GRIK1: variants seen among roughly 807,000 people sequenced by gnomAD.
GRIK1 encodes glutamate receptor ionotropic, kainate 1.
In GRIK1, 69 loss-of-function variants were observed where a neutral mutation model predicts 105.7. The ratio of observed to expected loss-of-function variants is 0.65; its 90% CI spans 0.54 to 0.80. The LOEUF (loss-of-function observed/expected upper bound fraction) is 0.80, where lower values mean the gene tolerates loss of function less well. Ranked by LOEUF, GRIK1 falls within the 30% of genes least tolerant of loss-of-function variation. The pLI is 0.00. For missense variants in GRIK1, 1,109 were observed against 1,167.3 expected, an observed-to-expected ratio of 0.95 and a Z score of 0.73; for synonymous variants, 438 against 431.3, an observed-to-expected ratio of 1.02 and a Z score of -0.19.
At chr21:29,920,445 C>A (rs1296282141) in intron 1 of GRIK1, among the ~76,000 whole-genome samples, 1 of 152,084 alleles carries the variant, frequency 6.6e-6, no homozygotes, top group Non-Finnish European at 1.5e-5. Flanking sequence ...GGAATGACTT[C>A]TTTTACAGAT....
chr21:29,653,205 TAGAA>T (rs1460585771), intron 5 of GRIK1, among the ~76,000 whole-genome samples: 1 of 152,134 alleles, frequency 6.6e-6, no homozygotes, highest in Non-Finnish European at 1.5e-5. Flanking sequence ...ACTCAGTGAA[TAGAA>T]AGACAGTTAA....
At chr21:29,861,330 A>T (rs2068629718) in intron 1 of GRIK1, among the ~76,000 whole-genome samples, 1 of 151,614 alleles carries the variant, frequency 6.6e-6, no homozygotes. Context: ...TTTTGGAGAC[A>T]GGGTCTCACT....
At chr21:29,869,540 G>C (rs2068939685) in intron 1 of GRIK1, among the ~76,000 whole-genome samples, 1 of 152,216 alleles carries the variant, frequency 6.6e-6, no homozygotes, top group African/African-American at 2.4e-5. Flanking sequence ...CTACCGGCAT[G>C]ATATTTAAGC....
chr21:29,605,290 C>T (rs528742973), intron 7 of GRIK1, among the ~76,000 whole-genome samples: 14 of 152,298 alleles, frequency 9.2e-5, no homozygotes, highest in Admixed American at 5.2e-4. Flanking sequence ...TCATTCAACT[C>T]CCACTTATAA....
chr21:29,596,496 G>A, intron 9 of GRIK1, 30 bp downstream of exon 9: 1 of 1,515,938 alleles, frequency 6.6e-7, no homozygotes, highest in South Asian at 1.1e-5. Flanking sequence ...CCACCCCCAG[G>A]TTTCCTGCAG....
At chr21:29,723,942 G>A (rs1311932724) in intron 1 of GRIK1, among the ~76,000 whole-genome samples, 1 of 152,162 alleles carries the variant, frequency 6.6e-6, no homozygotes, top group East Asian at 1.9e-4. Flanking sequence ...GGAAATCACA[G>A]CTGTTCCATA....
chr21:29,909,233 C>T (rs1368863696), intron 1 of GRIK1, among the ~76,000 whole-genome samples: 2 of 151,740 alleles, frequency 1.3e-5, no homozygotes, highest in East Asian at 3.9e-4. Flanking sequence ...TTTAAGGGCC[C>T]TAAAGATAAA....
intron 1 of GRIK1, chr21:29,763,457 A>G (rs1174746271): frequency 1.3e-5 from 2 of 152,288 alleles, no homozygotes; most frequent in East Asian, 3.8e-4. Flanking sequence ...CCTTCAGTGT[A>G]TTGCAGCTCT....
intron 1 of GRIK1, among the ~76,000 whole-genome samples, chr21:29,766,205 C>T (rs532010648): frequency 1.3e-5 from 2 of 152,136 alleles, no homozygotes; most frequent in Non-Finnish European, 2.9e-5. Context: ...CACTCAGCCA[C>T]AGGCCTTAAA....
chr21:29,892,141 A>C (rs1478183999), intron 1 of GRIK1, among the ~76,000 whole-genome samples: 1 of 152,210 alleles, frequency 6.6e-6, no homozygotes, highest in African/African-American at 2.4e-5. Flanking sequence ...CCATTAGGCA[A>C]TGAGAGTAAC....
rs1216192211 is a variant in GRIK1 at position 29,642,962 on chromosome 21, G to A, written c.962C>T (p.Ala321Val). ...GLLDGMMTTE[A>V]ALMYDAVYMV... is the part of the protein sequence containing the mutation. Reference sequence around the variant, plus strand: ...GTACACAGCATCGTACATCAGAGCCGCTTCAGTCTGTGGAGGAAAACACAC... The same window carrying A: ...GTACACAGCATCGTACATCAGAGCCACTTCAGTCTGTGGAGGAAAACACAC... The change falls in exon 7 of 18, where the codon GCG (alanine) becomes GTG (valine). Residue 321 changes from alanine (A) to valine (V), a missense_variant. Physicochemically the swap from Ala to Val is moderately conservative, Grantham distance 64. Around this residue, in one of 5 missense-constraint regions of GRIK1, gnomAD observed 612 missense variants for 586.0 expected, o/e 1.04. Transcript: ENST00000327783. 13 of 1,613,148 alleles carry A rather than the reference G, an allele frequency of 8.1e-6. No homozygotes were observed. The highest frequency in any genetic ancestry group is 4.5e-5 in the East Asian group (2 of 44,884).
chr21:29,558,162 A>G (rs912412611), intron 15 of GRIK1, among the ~76,000 whole-genome samples: 2 of 152,100 alleles, frequency 1.3e-5, no homozygotes, highest in Non-Finnish European at 2.9e-5. Flanking sequence ...AAAGTCTTCA[A>G]TTTTGTGTTG....
chr21:29,618,053 G>C (rs994902552), intron 7 of GRIK1, among the ~76,000 whole-genome samples: 1 of 152,092 alleles, frequency 6.6e-6, no homozygotes, highest in Non-Finnish European at 1.5e-5. Flanking sequence ...GTGTCCCTTA[G>C]TGTCACCTTG....
chr21:29,894,374 A>G (rs2070028942), intron 1 of GRIK1, among the ~76,000 whole-genome samples: 1 of 152,124 alleles, frequency 6.6e-6, no homozygotes, highest in Non-Finnish European at 1.5e-5. Flanking sequence ...TATCAGTCCA[A>G]GAGTCCAAAA....
At chr21:29,747,176 T>G (rs2145627257) in intron 1 of GRIK1, among the ~76,000 whole-genome samples, 1 of 152,330 alleles carries the variant, frequency 6.6e-6, no homozygotes, top group Non-Finnish European at 1.5e-5. Flanking sequence ...ACTGCAAGAC[T>G]TGATTGTAAC....
At chr21:29,599,470 CA>C (rs575333282) in intron 7 of GRIK1, among the ~76,000 whole-genome samples, 22 of 152,308 alleles carry the variant, frequency 1.4e-4, no homozygotes, top group African/African-American at 5.3e-4. Context: ...GTGCTCAAAA[CA>C]ACAGAAATTT....
chr21:29,629,252 CT>C (rs2062207191), intron 7 of GRIK1, among the ~76,000 whole-genome samples: 1 of 147,950 alleles, frequency 6.8e-6, no homozygotes, highest in Non-Finnish European at 1.5e-5. Flanking sequence ...CAAAAGCTTT[CT>C]GGAAAATGTG....
intron 7 of GRIK1, among the ~76,000 whole-genome samples, chr21:29,622,701 T>C (rs931036432): frequency 2.6e-5 from 4 of 152,232 alleles, no homozygotes; most frequent in African/African-American, 9.6e-5. Flanking sequence ...TGGCTAATAT[T>C]TGATTTCTCC....
intron 1 of GRIK1, among the ~76,000 whole-genome samples, chr21:29,872,798 T>C (rs139927256): frequency 1.1e-4 from 17 of 152,238 alleles, no homozygotes; most frequent in Non-Finnish European, 1.9e-4. Flanking sequence ...GAGAACAGCA[T>C]GGGAAGACCC....
Sources: gnomAD v4.1 joint callset for allele counts (sites outside exome capture counted in the v4.1 genomes callset) on GRCh38, gnomAD v4.1.1 for gene constraint, gnomAD v4.1.1 regional missense constraint, MANE v1.5 for transcripts, NCBI Gene and HGNC (gene_info 2026-07-23, HGNC 2026-07-21) for gene names.